DOCK7: variants seen among roughly 807,000 people sequenced by gnomAD.
DOCK7 encodes the protein dedicator of cytokinesis protein 7.
Under a neutral mutation model 271.0 loss-of-function variants are expected in DOCK7, and 138 were observed. The ratio of observed to expected loss-of-function variants is 0.51; its 90% confidence interval spans 0.44 to 0.59. The LOEUF (loss-of-function observed/expected upper bound fraction) is 0.59, where lower values mean the gene tolerates loss of function less well. Among genes scored for constraint, DOCK7 ranks in the 20% least tolerant of loss-of-function variants. DOCK7 has a pLI of 0.00. For synonymous variants in DOCK7, 823 were observed against 876.1 expected (o/e 0.94, Z 1.07); for missense variants, 2,066 against 2,592.4 (o/e 0.80, Z 4.41).
rs1557705925 is a variant in DOCK7, at chr1:62,553,315, TATATATATA to T, written c.2597-423_2597-415del. Among the ~76,000 whole-genome samples the T allele has an allele frequency of 2.1e-3, 109 of 52,112 alleles. 8 individuals are homozygous for T. In the Middle Eastern group the frequency reaches 0.056, roughly 27 times the overall value. 34.2% of individuals were successfully genotyped at this position (52,112 alleles called of 152,430 possible). ...GGTCTTCTAAATAAAAAGTATTTTA[TATATATATA>T]TATATATATATATATATATATATAT... is the stretch of plus-strand genomic sequence containing the variant. On this transcript the variant is annotated intron_variant, in intron 21 of 49. Coordinates refer to ENST00000635253, the MANE Select transcript of DOCK7 (RefSeq NM_001367561.1).
chr1:62,675,720 G>A (rs1360446731), intron 1 of DOCK7, among the ~76,000 whole-genome samples: 1 of 151,850 alleles, frequency 6.6e-6, no homozygotes, highest in African/African-American at 2.4e-5. Flanking sequence ...GGGAAGTGGA[G>A]CTTGCAATGA....
At chr1:62,657,526 G>A (rs550078129) in intron 2 of DOCK7, among the ~76,000 whole-genome samples, 150 of 152,232 alleles carry the variant, frequency 9.9e-4, no homozygotes, top group African/African-American at 3.5e-3. Context: ...TACTAAGAAC[G>A]AGGAAAATCT....
intron 16 of DOCK7, among the ~76,000 whole-genome samples, chr1:62,580,707 A>G (rs932656837): frequency 6.6e-6 from 1 of 152,186 alleles, no homozygotes; most frequent in Non-Finnish European, 1.5e-5. Context: ...AAACTAGGCA[A>G]CAGCAGGAAT....
intron 22 of DOCK7, among the ~76,000 whole-genome samples, chr1:62,547,205 C>T (rs543114668): frequency 6.6e-6 from 1 of 152,170 alleles, no homozygotes; most frequent in East Asian, 1.9e-4. Flanking sequence ...CTAGTCAAAG[C>T]TAACTATTTA....
chr1:62,510,111 T>C (rs1052735964), intron 34 of DOCK7, among the ~76,000 whole-genome samples: 3 of 152,212 alleles, frequency 2.0e-5, no homozygotes, highest in East Asian at 1.9e-4. Flanking sequence ...AGAAGATTCA[T>C]GTAAGTGTAT....
rs574717358 is a variant in DOCK7, at chr1:62,504,414, T to TATAC, written c.4764+212_4764+215dup. The stretch of plus-strand genomic sequence containing the variant: ...CATTTATATTCTAAGTCTGTATTAA[T>TATAC]ATACATACATACATACATACGTACA... On this transcript the variant is annotated intron_variant, in intron 37 of 49. Coordinates refer to ENST00000635253, the MANE Select transcript of DOCK7 (RefSeq NM_001367561.1). Among the ~76,000 whole-genome samples the TATAC allele has an allele frequency of 2.3e-3, 346 of 152,224 alleles. 3 individuals carry two copies. Among genetic ancestry groups the TATAC allele is most frequent in the African/African-American group, 8.0e-3 (333 of 41,530 alleles).
chr1:62,485,256 A>T (rs1251698886), intron 43 of DOCK7: 5 of 985,296 alleles, frequency 5.1e-6, no homozygotes, highest in Non-Finnish European at 6.0e-6. Context: ...AGAGGAGATA[A>T]CAGCCACATG....
At chr1:62,666,885 G>T (rs1659382587) in intron 1 of DOCK7, among the ~76,000 whole-genome samples, 1 of 152,126 alleles carries the variant, frequency 6.6e-6, no homozygotes, top group Admixed American at 6.6e-5. Flanking sequence ...AAGAAAACAT[G>T]ATCCAGTATT....
rs1441785255 is a variant in DOCK7 at position 62,653,965 on chromosome 1, T to C, written c.320+19A>G. The C allele has an allele frequency of 2.5e-6, 4 of 1,604,062 alleles. No homozygotes were observed. The highest frequency in any genetic ancestry group is 3.4e-6 in the Non-Finnish European group (4 of 1,176,082). On this transcript the variant is annotated intron_variant, in intron 3 of 49. Coordinates refer to ENST00000635253, the MANE Select transcript of DOCK7 (RefSeq NM_001367561.1). ...TCTATAGTTCCTCTAAAGCCAAAAA[T>C]AAGTCAATGTCTCCTTACCTTTCTT...
rs189714165 is a variant in DOCK7 at position 62,650,038 on chromosome 1, C to T, written c.390-1494G>A. On this transcript the variant is annotated intron_variant, in intron 4 of 49. Coordinates refer to ENST00000635253, the MANE Select transcript of DOCK7 (RefSeq NM_001367561.1). ...GCTGAAGTAAGAGGATGGCTTGAGG[C>T]CAGGAATTCAAGGTAACAGAGAGAG... is the stretch of plus-strand genomic sequence containing the variant. Among the ~76,000 whole-genome samples, 192 of 152,204 alleles carry T rather than the reference C, an allele frequency of 1.3e-3. 1 individual carries two copies. The highest frequency in any genetic ancestry group is 3.9e-3 in the African/African-American group (161 of 41,534).
At chr1:62,655,110 C>T (rs1012256345) in intron 2 of DOCK7, among the ~76,000 whole-genome samples, 1 of 152,202 alleles carries the variant, frequency 6.6e-6, no homozygotes, top group African/African-American at 2.4e-5. Context: ...GAAAGGAATA[C>T]ACAGGCCCTA....
Position 62,593,836 on chromosome 1 carries a change from CATTA to C in DOCK7, c.1683-7216_1683-7213del, listed in dbSNP as rs1315371889. 2.0e-5 allele frequency among the ~76,000 whole-genome samples: 3 copies of C among 152,092 alleles called. 1 individual carries two copies. The highest frequency in any genetic ancestry group is 7.2e-5 in the African/African-American group (3 of 41,514). On this transcript the variant is annotated intron_variant, in intron 14 of 49. Transcript: ENST00000635253. ...CATACAATAGGATCTTCCTATACAA[CATTA>C]ATTAAAAAACAAACTATTGTAGTTA...
chr1:62,650,556 G>A (rs1168093), intron 4 of DOCK7, among the ~76,000 whole-genome samples: 87,915 of 151,712 alleles, frequency 0.58, 27,244 homozygotes, highest in East Asian at 0.76. Flanking sequence ...CTGACAAAGG[G>A]CTAATATCCA....
intron 14 of DOCK7, chr1:62,601,164 A>C: frequency 6.2e-7 from 1 of 1,609,656 alleles, no homozygotes; most frequent in East Asian, 2.2e-5. Flanking sequence ...CCCTTTCTTC[A>C]GTTGAATGAA....
chr1:62,638,640 T>C (rs1317949845), intron 7 of DOCK7, among the ~76,000 whole-genome samples: 1 of 149,186 alleles, frequency 6.7e-6, no homozygotes. Flanking sequence ...TGAATATATA[T>C]ATTTTTTCAT....
chr1:62,620,589 A>G (rs2149590799), intron 12 of DOCK7, among the ~76,000 whole-genome samples: 1 of 151,996 alleles, frequency 6.6e-6, no homozygotes, highest in East Asian at 1.9e-4. Context: ...GAAAACCAAT[A>G]CAAGTTACTG....
rs1488230450 is a variant in DOCK7 at position 62,666,734 on chromosome 1, T to C, written c.39-3604A>G. 2.6e-5 allele frequency among the ~76,000 whole-genome samples: 4 copies of C among 152,220 alleles called. No homozygotes were observed. In the South Asian group the frequency reaches 8.3e-4, roughly 32 times the overall value. On this transcript the variant is annotated intron_variant, in intron 1 of 49. Transcript: ENST00000635253. ...CAATCAGATTTTTTCTTACTCCTAGTGATAGCTCAGAAAGAAAAACAAGGC... is the reference window on the plus strand; with the variant it reads ...CAATCAGATTTTTTCTTACTCCTAGCGATAGCTCAGAAAGAAAAACAAGGC...
chr1:62,456,412 ATTAAGG>A (rs1183753118), intron 49 of DOCK7, among the ~76,000 whole-genome samples: 4 of 152,162 alleles, frequency 2.6e-5, no homozygotes, highest in Non-Finnish European at 5.9e-5. Context: ...CCTTCGTGCC[ATTAAGG>A]TTAAGCCATG....
intron 48 of DOCK7, among the ~76,000 whole-genome samples, chr1:62,466,852 C>T (rs1036713143): frequency 6.6e-5 from 10 of 151,784 alleles, no homozygotes; most frequent in South Asian, 2.1e-4. Flanking sequence ...ACCCGGGAGG[C>T]GATTGCAGTG....
Sources: gnomAD v4.1 joint callset for allele counts (sites outside exome capture counted in the v4.1 genomes callset) on GRCh38, gnomAD v4.1.1 for gene constraint, MANE v1.5 for transcripts, NCBI Gene and HGNC (gene_info 2026-07-23, HGNC 2026-07-21) for gene names.